The following NRXN3 variants were observed in gnomAD, a reference collection of about 807,000 sequenced individuals.
NRXN3 encodes neurexin 3.
In NRXN3, 32 loss-of-function variants were observed where a neutral mutation model predicts 137.6. The ratio of observed to expected loss-of-function variants is 0.23; its 90% confidence interval spans 0.18 to 0.31. The LOEUF (loss-of-function observed/expected upper bound fraction) is 0.31. Among genes scored for constraint, NRXN3 ranks in the 10% least tolerant of loss-of-function variants. The pLI, the probability that NRXN3 is intolerant of heterozygous loss-of-function variation, is 1.00. For synonymous variants in NRXN3, 798 were observed against 784.5 expected (o/e 1.02, Z -0.29); for missense variants, 1,574 against 2,062.5 (o/e 0.76, Z 4.59).
At chr14:79,382,070 G>C (rs1254704065) in intron 15 of NRXN3, among the ~76,000 whole-genome samples, 2 of 152,154 alleles carry the variant, frequency 1.3e-5, no homozygotes, top group Admixed American at 6.5e-5. Context: ...TGCCTTCTCT[G>C]TGCCTCAGTT....
intron 6 of NRXN3, 114 bp downstream of exon 6, chr14:78,651,440 C>G: frequency 6.8e-6 from 8 of 1,177,642 alleles, no homozygotes; most frequent in Non-Finnish European, 8.3e-6. Context: ...TGATAGATTG[C>G]AGCAGAAACA....
intron 4 of NRXN3, among the ~76,000 whole-genome samples, chr14:78,428,493 A>G (rs924349747): frequency 6.6e-6 from 1 of 152,196 alleles, no homozygotes; most frequent in Admixed American, 6.6e-5. Flanking sequence ...CAGAACCAAT[A>G]GGATGTGTAT....
At chr14:78,528,779 A>T (rs2096417428) in intron 4 of NRXN3, among the ~76,000 whole-genome samples, 1 of 152,146 alleles carries the variant, frequency 6.6e-6, no homozygotes, top group Non-Finnish European at 1.5e-5. Context: ...ATCTTTATTT[A>T]AATTTTTGAT....
intron 15 of NRXN3, among the ~76,000 whole-genome samples, chr14:79,447,523 A>T (rs574015918): frequency 6.6e-6 from 1 of 152,276 alleles, no homozygotes; most frequent in African/African-American, 2.4e-5. Flanking sequence ...CCAGGGTCCA[A>T]AATTTCTATT....
At chr14:79,778,055 C>T (rs576534724) in intron 19 of NRXN3, among the ~76,000 whole-genome samples, 88 of 152,304 alleles carry the variant, frequency 5.8e-4, no homozygotes, top group Non-Finnish European at 1.0e-3. Context: ...TTGGCACATA[C>T]ACCCTTTAAC....
At chr14:78,755,330 C>T (rs748566262) in intron 8 of NRXN3, among the ~76,000 whole-genome samples, 30 of 151,888 alleles carry the variant, frequency 2.0e-4, no homozygotes, top group Non-Finnish European at 4.0e-4. Context: ...CCCAGTCTAG[C>T]GCATGCCTTT....
At chr14:78,413,645 T>A (rs1336472682) in intron 4 of NRXN3, among the ~76,000 whole-genome samples, 2 of 152,096 alleles carry the variant, frequency 1.3e-5, no homozygotes, top group African/African-American at 4.8e-5. Flanking sequence ...CTCCCAGATG[T>A]CTCCAGGTGA....
At chr14:79,278,135 T>C (rs2080594129) in intron 15 of NRXN3, among the ~76,000 whole-genome samples, 1 of 152,154 alleles carries the variant, frequency 6.6e-6, no homozygotes, top group Non-Finnish European at 1.5e-5. Context: ...TATAAGCTCC[T>C]TTTAAAAAAG....
At chr14:78,863,919 A>G (rs887449285) in intron 10 of NRXN3, among the ~76,000 whole-genome samples, 14 of 152,154 alleles carry the variant, frequency 9.2e-5, no homozygotes, top group Non-Finnish European at 1.6e-4. Flanking sequence ...TCTTGGTAAA[A>G]TGTAGGTTCA....
At chr14:79,811,581 C>CTTTTTTTTTTTTTTTTT (rs370942970) in intron 20 of NRXN3, among the ~76,000 whole-genome samples, 3 of 116,612 alleles carry the variant, frequency 2.6e-5, no homozygotes, top group African/African-American at 3.2e-5. Context: ...TTTCTTTTTT[C>CTTTTTTTTTTTTTTTTT]TTTTTTTTTT....
chr14:79,089,747 C>T (rs1436245093), intron 15 of NRXN3, among the ~76,000 whole-genome samples: 1 of 152,050 alleles, frequency 6.6e-6, no homozygotes, highest in Non-Finnish European at 1.5e-5. Flanking sequence ...CAAACTCGTG[C>T]AGAGAGAAGC....
At chr14:79,820,302 A>G (rs1379984607) in intron 20 of NRXN3, among the ~76,000 whole-genome samples, 2 of 152,138 alleles carry the variant, frequency 1.3e-5, no homozygotes, top group Admixed American at 1.3e-4. Flanking sequence ...GCATGTATTT[A>G]TATCTTAGCC....
chr14:79,838,699 A>G (rs1434619888), intron 20 of NRXN3, among the ~76,000 whole-genome samples: 1 of 152,132 alleles, frequency 6.6e-6, no homozygotes, highest in Non-Finnish European at 1.5e-5. Context: ...ACTTTGTGAT[A>G]CCAAGCTGCT....
At chr14:78,396,510 A>G (rs2091473747) in intron 4 of NRXN3, among the ~76,000 whole-genome samples, 1 of 152,180 alleles carries the variant, frequency 6.6e-6, no homozygotes, top group Non-Finnish European at 1.5e-5. Flanking sequence ...ATTTGAAGGT[A>G]GGTGGTCTGG....
intron 10 of NRXN3, among the ~76,000 whole-genome samples, chr14:78,824,103 C>CTT (rs11387026): frequency 0.05 from 4,931 of 98,700 alleles, 279 homozygotes; most frequent in East Asian, 0.28. Context: ...TCACCTGCTT[C>CTT]TTTTTTTTTT....
intron 15 of NRXN3, among the ~76,000 whole-genome samples, chr14:79,084,549 A>T (rs2047711253): frequency 6.6e-6 from 1 of 152,158 alleles, no homozygotes; most frequent in Non-Finnish European, 1.5e-5. Flanking sequence ...TCTTAAAATT[A>T]TTCTTTCCTG....
chr14:79,776,511 G>T (rs2099097574), intron 19 of NRXN3, among the ~76,000 whole-genome samples: 1 of 152,038 alleles, frequency 6.6e-6, no homozygotes, highest in East Asian at 1.9e-4. Flanking sequence ...CTCCCCCATG[G>T]GCATGGTTAT....
At chr14:79,303,607 G>C (rs1189558883) in intron 15 of NRXN3, among the ~76,000 whole-genome samples, 1 of 152,094 alleles carries the variant, frequency 6.6e-6, no homozygotes, top group East Asian at 1.9e-4. Flanking sequence ...ATCAACTGAG[G>C]TCAGAAGTTG....
chr14:79,241,208 CAAGA>C (rs2074231440), intron 15 of NRXN3, among the ~76,000 whole-genome samples: 1 of 152,104 alleles, frequency 6.6e-6, no homozygotes, highest in African/African-American at 2.4e-5. Context: ...TAGGAAAGAT[CAAGA>C]AAGACCAACA....
Sources: gnomAD v4.1 joint callset for allele counts (sites outside exome capture counted in the v4.1 genomes callset) on GRCh38, gnomAD v4.1.1 for gene constraint, MANE v1.5 for transcripts, NCBI Gene and HGNC (gene_info 2026-07-23, HGNC 2026-07-21) for gene names.